ABCA4: variants seen among roughly 807,000 people sequenced by gnomAD.
ABCA4 encodes ATP binding cassette subfamily A member 4.
Under a neutral mutation model 263.7 loss-of-function variants are expected in ABCA4, and 196 were observed. That is an observed-to-expected ratio of 0.74 (90% CI 0.66 to 0.84). The LOEUF (loss-of-function observed/expected upper bound fraction) is 0.84. Ranked by LOEUF, ABCA4 falls within the 40% of genes least tolerant of loss-of-function variation. ABCA4 has a pLI of 0.00. For missense variants in ABCA4, 2,792 were observed against 2,855.1 expected (o/e 0.98, Z 0.50); for synonymous variants, 1,133 against 1,094.2 (o/e 1.04, Z -0.70).
rs770774620 is a variant in ABCA4, at chr1:94,031,905, G to A, written c.4001C>T (p.Pro1334Leu). The A allele has an allele frequency of 3.7e-6, 6 of 1,614,058 alleles. No homozygotes were observed. In the Admixed American group the frequency reaches 8.3e-5, roughly 22 times the overall value. ...CGGGCCTGGGCACTCTGGCTCTGGGGGAGGCTGGCCCTCTGGGTGAGCAGC... is the reference window on the plus strand; with the variant it reads ...CGGGCCTGGGCACTCTGGCTCTGGGAGAGGCTGGCCCTCTGGGTGAGCAGC... ...APAAHPEGQP[P>L]PEPECPGPQL... Residue 1334 changes from proline to leucine, a missense_variant, in exon 27 of 50, where the codon CCC (proline) becomes CTC (leucine). Pro to Leu is a moderately conservative substitution (Grantham distance 98). Transcript: ENST00000370225.
chr1:94,108,130 T>G (rs549896798), intron 4 of ABCA4, among the ~76,000 whole-genome samples: 1 of 152,286 alleles, frequency 6.6e-6, no homozygotes, highest in South Asian at 2.1e-4. Flanking sequence ...TTATGCATAT[T>G]TATGTCATGA....
intron 49 of ABCA4, among the ~76,000 whole-genome samples, 185 bp downstream of exon 49, chr1:93,995,924 C>A (rs1571238785): frequency 6.6e-6 from 1 of 152,204 alleles, no homozygotes; most frequent in Non-Finnish European, 1.5e-5. Flanking sequence ...ACAGAACACA[C>A]AGTGGCAGGG....
chr1:94,051,489 C>T, intron 17 of ABCA4, 144 bp downstream of exon 17: 1 of 761,140 alleles, frequency 1.3e-6, no homozygotes, highest in Non-Finnish European at 2.3e-6. Flanking sequence ...CAATGCCCAT[C>T]AAGGGGCAGA....
chr1:93,996,215 G>A lies in ABCA4; in HGVS notation c.6730-20C>T, dbSNP rs1013156137. On this transcript the variant is annotated intron_variant, in intron 48 of 49. Transcript: ENST00000370225. Reference sequence around the variant, plus strand: ...AAACACCTAGAGGTAAGAGAAGAGCGAGATTAGGTAGATATTTCCAGGAAA... The same window carrying A: ...AAACACCTAGAGGTAAGAGAAGAGCAAGATTAGGTAGATATTTCCAGGAAA... The A allele has an allele frequency of 8.2e-6, 13 of 1,578,720 alleles. No individual in the cohort carries two copies. Among genetic ancestry groups the A allele is most frequent in the Admixed American group, 3.3e-5 (2 of 59,976 alleles).
In ABCA4 at chr1:94,108,683, G is replaced by T. The variant is rs761605129; in HGVS notation, c.336C>A (p.Leu112=). ...GCTGGCTCTCTGGTGCATTCATGAG[G>T]AGTTCTTGAAAATCTCGATATACCC... ...LARVYRDFQE[L]LMNAPESQHL... The change falls in exon 4 of 50, where the codon CTC becomes CTA. Residue 112 remains leucine, a synonymous_variant. Transcript: ENST00000370225. The T allele has an allele frequency of 3.1e-6, 5 of 1,614,034 alleles. No homozygotes were observed. The highest frequency in any genetic ancestry group is 4.2e-6 in the Non-Finnish European group (5 of 1,180,032).
At chr1:94,119,952 C>T (rs1427698581) in intron 1 of ABCA4, among the ~76,000 whole-genome samples, 1 of 152,140 alleles carries the variant, frequency 6.6e-6, no homozygotes, top group African/African-American at 2.4e-5. Context: ...CTTGCAGCTC[C>T]CAGGGTCCTA....
intron 30 of ABCA4, among the ~76,000 whole-genome samples, chr1:94,026,940 AAG>A (rs928597617): frequency 1.5e-4 from 23 of 150,976 alleles, no homozygotes; most frequent in Admixed American, 6.6e-4. Flanking sequence ...GTGTGTGAGA[AAG>A]AGAGAGAGAG....
At chr1:94,014,738 C>A in intron 37 of ABCA4, 48 bp from the exon 38 acceptor site, 1 of 1,611,430 alleles carries the variant, frequency 6.2e-7, no homozygotes, top group Non-Finnish European at 8.5e-7. Flanking sequence ...ACATTCCATT[C>A]CACCTACAAT....
At chr1:94,083,503 A>C (rs1325303570) in intron 6 of ABCA4, 62 bp from the exon 7 acceptor site, 2 of 1,291,840 alleles carry the variant, frequency 1.5e-6, no homozygotes, top group Non-Finnish European at 2.2e-6. Context: ...ATACACACAT[A>C]GGCACAGTCT....
intron 1 of ABCA4, among the ~76,000 whole-genome samples, chr1:94,116,593 G>T (rs933611282): frequency 6.6e-6 from 1 of 152,074 alleles, no homozygotes; most frequent in African/African-American, 2.4e-5. Context: ...CATTTCACGC[G>T]TCACTCCCTG....
chr1:94,008,677 A>G (rs1434440173), intron 41 of ABCA4, 74 bp downstream of exon 41: 38 of 1,605,130 alleles, frequency 2.4e-5, no homozygotes, highest in Non-Finnish European at 2.5e-5. Flanking sequence ...CAATTGTTCT[A>G]TAGAAGGAAA....
chr1:94,030,709 T>C lies in ABCA4; in HGVS notation c.4254-183A>G, dbSNP rs576011304. On this transcript the variant is annotated intron_variant, in intron 28 of 49. Coordinates refer to ENST00000370225, the MANE Select transcript of ABCA4 (RefSeq NM_000350.3). Reference sequence around the variant, plus strand: ...TGCCTGAACACTCGCAGTGGTCTGATGGCATGTCACCTATGCCTCAAAAAG... The same window carrying C: ...TGCCTGAACACTCGCAGTGGTCTGACGGCATGTCACCTATGCCTCAAAAAG... Among the ~76,000 whole-genome samples, 3 of 152,328 alleles carry C rather than the reference T, an allele frequency of 2.0e-5. No individual in the cohort carries two copies. In the East Asian group the frequency reaches 5.8e-4, roughly 29 times the overall value.
intron 2 of ABCA4, among the ~76,000 whole-genome samples, chr1:94,112,545 C>T (rs1449997017): frequency 1.3e-5 from 2 of 152,200 alleles, no homozygotes; most frequent in African/African-American, 2.4e-5. Flanking sequence ...TGCTTGTAAT[C>T]CCAGTGCTTT....
intron 22 of ABCA4, among the ~76,000 whole-genome samples, chr1:94,042,356 G>C (rs1257761006): frequency 6.6e-6 from 1 of 152,108 alleles, no homozygotes; most frequent in East Asian, 1.9e-4. Flanking sequence ...CCACCCTCTG[G>C]AGCACTGAAT....
intron 23 of ABCA4, 69 bp from the exon 24 acceptor site, chr1:94,040,196 G>A: frequency 7.7e-7 from 1 of 1,294,464 alleles, no homozygotes; most frequent in South Asian, 1.3e-5. Context: ...CCTGATGCCA[G>A]CTGCTGTCAC....
chr1:94,066,366 A>AGTAG (rs1661267699), intron 11 of ABCA4, among the ~76,000 whole-genome samples: 1 of 152,242 alleles, frequency 6.6e-6, no homozygotes, highest in Non-Finnish European at 1.5e-5. Context: ...TAGTCAAATA[A>AGTAG]TCTTTTTTTA....
At chr1:94,028,770 C>T (rs1660104991) in intron 30 of ABCA4, among the ~76,000 whole-genome samples, 1 of 151,656 alleles carries the variant, frequency 6.6e-6, no homozygotes, top group Non-Finnish European at 1.5e-5. Flanking sequence ...ATTAGGCGGG[C>T]ATGATGGTGC....
intron 26 of ABCA4, among the ~76,000 whole-genome samples, chr1:94,035,383 G>A (rs1426176040): frequency 1.3e-5 from 2 of 152,290 alleles, no homozygotes; most frequent in South Asian, 4.1e-4. Flanking sequence ...CCCTGGAGAG[G>A]ACTGCTTCCT....
chr1:94,023,124 C>CT (rs1239992353), intron 32 of ABCA4, among the ~76,000 whole-genome samples: 2 of 152,036 alleles, frequency 1.3e-5, no homozygotes, highest in African/African-American at 4.8e-5. Context: ...GTTTTAGAAG[C>CT]TTTTTTTGGG....
Sources: gnomAD v4.1 joint callset for allele counts (sites outside exome capture counted in the v4.1 genomes callset) on GRCh38, gnomAD v4.1.1 for gene constraint, MANE v1.5 for transcripts, NCBI Gene and HGNC (gene_info 2026-07-23, HGNC 2026-07-21) for gene names.